The following CDYL2 variants were observed in gnomAD, a reference collection of about 807,000 sequenced individuals.
CDYL2 encodes chromodomain Y like 2.
CDYL2 carries 23 observed loss-of-function variants against 49.4 expected under a neutral mutation model. The observed-to-expected ratio is 0.47, with a 90% CI of 0.34 to 0.66. The LOEUF is 0.66. Ranked by LOEUF, CDYL2 falls within the 30% of genes least tolerant of loss-of-function variation. The pLI is 0.01. For missense variants in CDYL2, 678 were observed against 656.4 expected, an observed-to-expected ratio of 1.03 and a Z score of -0.36; for synonymous variants, 360 against 268.8, an observed-to-expected ratio of 1.34 and a Z score of -3.32.
intron 1 of CDYL2, among the ~76,000 whole-genome samples, chr16:80,697,060 C>G (rs1277105859): frequency 6.6e-6 from 1 of 152,054 alleles, no homozygotes; most frequent in Non-Finnish European, 1.5e-5. Context: ...GGGAATTATT[C>G]CAAACTCATT....
chr16:80,690,251 C>G (rs182205231), intron 1 of CDYL2, among the ~76,000 whole-genome samples: 1 of 152,270 alleles, frequency 6.6e-6, no homozygotes. Context: ...GTCACAAAGG[C>G]TCCTCCAAGA....
rs146940087 is a variant in CDYL2, at chr16:80,763,554, G to A, written c.24+40596C>T. On this transcript the variant is annotated intron_variant, in intron 1 of 6. Transcript: ENST00000570137. Reference sequence around the variant, plus strand: ...TTGAACCCAGAAGGCAGAGGTTGCCGTGAACCAAGATCGTGCCACTGCACT... The same window carrying A: ...TTGAACCCAGAAGGCAGAGGTTGCCATGAACCAAGATCGTGCCACTGCACT... 2.0e-4 allele frequency among the ~76,000 whole-genome samples: 30 copies of A among 152,118 alleles called. 1 individual carries two copies. In the East Asian group the frequency reaches 5.3e-3, roughly 27 times the overall value.
At chr16:80,744,185 C>G (rs1905847538) in intron 1 of CDYL2, among the ~76,000 whole-genome samples, 2 of 152,314 alleles carry the variant, frequency 1.3e-5, no homozygotes, top group East Asian at 1.9e-4. Context: ...CAGTGTGATT[C>G]TAAGTCCAGA....
chr16:80,755,854 G>C (rs1906292951), intron 1 of CDYL2, among the ~76,000 whole-genome samples: 1 of 152,128 alleles, frequency 6.6e-6, no homozygotes, highest in East Asian at 1.9e-4. Context: ...TATGGGAGCA[G>C]GGGGAGGTAA....
At chr16:80,696,750 T>C (rs9936059) in intron 1 of CDYL2, among the ~76,000 whole-genome samples, 84,800 of 150,582 alleles carry the variant, frequency 0.56, 24,578 homozygotes, top group Middle Eastern at 0.71. Flanking sequence ...CAAAGAAAAG[T>C]CCAGAACAGG....
chr16:80,751,543 A>T (rs571435615), intron 1 of CDYL2, among the ~76,000 whole-genome samples: 129 of 152,344 alleles, frequency 8.5e-4, no homozygotes, highest in Middle Eastern at 3.4e-3. Flanking sequence ...ATCAAGGCAA[A>T]CAAGACTTGA....
intron 1 of CDYL2, among the ~76,000 whole-genome samples, chr16:80,739,272 G>A (rs2142549410): frequency 6.6e-6 from 1 of 152,310 alleles, no homozygotes; most frequent in East Asian, 1.9e-4. Context: ...TGGGATTAGT[G>A]TTTAATGGGG....
chr16:80,624,424 T>TA (rs1907216331), intron 3 of CDYL2, among the ~76,000 whole-genome samples: 2 of 152,020 alleles, frequency 1.3e-5, no homozygotes, highest in African/African-American at 4.8e-5. Context: ...ATCCACAAGA[T>TA]AAAAAAATTA....
chr16:80,712,629 C>A (rs181607697), intron 1 of CDYL2, among the ~76,000 whole-genome samples: 2 of 152,002 alleles, frequency 1.3e-5, no homozygotes, highest in Non-Finnish European at 2.9e-5. Context: ...TAGGTCTCTG[C>A]GAGGTGCTTG....
intron 2 of CDYL2, among the ~76,000 whole-genome samples, chr16:80,650,173 G>A (rs1908524322): frequency 6.6e-6 from 1 of 152,106 alleles, no homozygotes; most frequent in Non-Finnish European, 1.5e-5. Context: ...TCAACAAAGT[G>A]AAGAGACAAG....
intron 1 of CDYL2, among the ~76,000 whole-genome samples, chr16:80,759,134 A>ATAT (rs1555535907): frequency 7.9e-6 from 1 of 126,632 alleles, no homozygotes; most frequent in Non-Finnish European, 1.6e-5. Context: ...ATATATATAT[A>ATAT]TATATGGTTT....
chr16:80,777,886 T>A (rs973380609), intron 1 of CDYL2, among the ~76,000 whole-genome samples: 17 of 151,754 alleles, frequency 1.1e-4, no homozygotes, highest in African/African-American at 3.9e-4. Context: ...AATTAGCACA[T>A]ACAAAAAAAG....
At chr16:80,646,403 C>G (rs1015831883) in intron 2 of CDYL2, among the ~76,000 whole-genome samples, 18 of 152,198 alleles carry the variant, frequency 1.2e-4, no homozygotes, top group Non-Finnish European at 1.5e-4. Context: ...AAACAAATAA[C>G]AAAATGGCAG....
At chr16:80,634,017 G>A (rs891154975) in intron 2 of CDYL2, among the ~76,000 whole-genome samples, 5 of 151,820 alleles carry the variant, frequency 3.3e-5, no homozygotes, top group Non-Finnish European at 7.4e-5. Context: ...AACCTCCATC[G>A]GAAGCAGATA....
intron 2 of CDYL2, among the ~76,000 whole-genome samples, chr16:80,636,050 T>C (rs769964140): frequency 1.3e-5 from 2 of 152,192 alleles, no homozygotes; most frequent in African/African-American, 2.4e-5. Flanking sequence ...TTATGCCTTA[T>C]AGAAAAATTA....
At chr16:80,784,347 T>A (rs1191828171) in intron 1 of CDYL2, among the ~76,000 whole-genome samples, 1 of 152,242 alleles carries the variant, frequency 6.6e-6, no homozygotes, top group African/African-American at 2.4e-5. Context: ...GTTCTAAGAC[T>A]ATTTTTTTCA....
chr16:80,630,854 T>C (rs898613230), intron 3 of CDYL2, among the ~76,000 whole-genome samples: 1 of 152,036 alleles, frequency 6.6e-6, no homozygotes, highest in African/African-American at 2.4e-5. Context: ...AGCACCTCCC[T>C]CCCCACCCCA....
At chr16:80,771,462 G>C (rs894139069) in intron 1 of CDYL2, among the ~76,000 whole-genome samples, 4 of 152,208 alleles carry the variant, frequency 2.6e-5, no homozygotes, top group African/African-American at 4.8e-5. Flanking sequence ...CCAGCACTTC[G>C]GGAGGCCGAG....
intron 1 of CDYL2, among the ~76,000 whole-genome samples, chr16:80,697,605 G>A (rs1904281478): frequency 1.3e-5 from 2 of 152,056 alleles, no homozygotes; most frequent in African/African-American, 4.8e-5. Flanking sequence ...TAAGGGGCAT[G>A]CAAACTGGAA....
Sources: allele counts gnomAD v4.1 joint callset (sites outside exome capture counted in the v4.1 genomes callset), GRCh38; gene constraint gnomAD v4.1.1; transcripts MANE v1.5; gene names NCBI Gene and HGNC (gene_info 2026-07-23, HGNC 2026-07-21).